The following NR2C2 variants were observed in gnomAD, a reference collection of about 807,000 sequenced individuals.
NR2C2 encodes nuclear receptor subfamily 2 group C member 2.
A neutral mutation model predicts 62.9 loss-of-function variants in NR2C2; 6 were observed. That is an observed-to-expected ratio of 0.10 (90% CI 0.05 to 0.19). NR2C2 has a LOEUF of 0.19. Among genes scored for constraint, NR2C2 ranks in the 10% least tolerant of loss-of-function variants. The pLI, the probability that NR2C2 is intolerant of heterozygous loss-of-function variation, is 1.00. For synonymous variants in NR2C2, 272 were observed against 273.8 expected, an observed-to-expected ratio of 0.99 and a Z score of 0.07; for missense variants, 479 against 762.7, an observed-to-expected ratio of 0.63 and a Z score of 4.38.
At chr3:15,039,454 G>C (rs553490646) in intron 13 of NR2C2, among the ~76,000 whole-genome samples, 1 of 152,274 alleles carries the variant, frequency 6.6e-6, no homozygotes, top group South Asian at 2.1e-4. Flanking sequence ...AGTGCCAGCA[G>C]GAGGGCCAGG....
intron 1 of NR2C2, among the ~76,000 whole-genome samples, chr3:14,951,782 C>G (rs534070190): frequency 2.0e-5 from 3 of 151,912 alleles, no homozygotes; most frequent in Admixed American, 6.6e-5. Flanking sequence ...GAGTCTCGCT[C>G]TGTCACCCAG....
intron 4 of NR2C2, among the ~76,000 whole-genome samples, chr3:15,018,711 A>G (rs2041583484): frequency 6.6e-6 from 1 of 152,022 alleles, no homozygotes; most frequent in Non-Finnish European, 1.5e-5. Context: ...TGATTTTTGT[A>G]TTTTTATGAG....
chr3:14,985,943 C>CT (rs1167159050), intron 1 of NR2C2, among the ~76,000 whole-genome samples: 4 of 151,744 alleles, frequency 2.6e-5, no homozygotes, highest in East Asian at 3.9e-4. Context: ...AAGGGTTTTT[C>CT]TTTTTTTTCC....
rs200745977 is a variant in NR2C2, at chr3:15,030,440, C to T, written c.1098C>T (p.His366=). 38 of 1,600,738 alleles carry T rather than the reference C, an allele frequency of 2.4e-5. No individual in the cohort carries two copies. The highest frequency in any genetic ancestry group is 9.0e-5 in the South Asian group (8 of 88,676). ...EVEGPLLSDT[H]VTFKLTMPSP... ...AAGGCCCCCTCCTTTCAGACACACA[C>T]GTCACATTTAAGGTGAGTGAATTCA... Residue 366 remains histidine, a synonymous_variant, in exon 9 of 14, where the codon CAC becomes CAT. Transcript: ENST00000425241.
intron 8 of NR2C2, among the ~76,000 whole-genome samples, chr3:15,028,935 A>C (rs1312201405): frequency 6.6e-6 from 1 of 152,176 alleles, no homozygotes; most frequent in African/African-American, 2.4e-5. Flanking sequence ...ACTTCTTTTC[A>C]TTCCCAACCA....
intron 1 of NR2C2, among the ~76,000 whole-genome samples, chr3:14,980,074 A>G (rs2040321089): frequency 1.3e-5 from 2 of 152,034 alleles, no homozygotes; most frequent in African/African-American, 4.8e-5. Flanking sequence ...GCCATATTAT[A>G]TACTACGTGA....
chr3:14,972,170 C>CTTTTTTTTTTTTTTTTT (rs2040062436), intron 1 of NR2C2, among the ~76,000 whole-genome samples: 1 of 130,156 alleles, frequency 7.7e-6, no homozygotes, highest in African/African-American at 2.8e-5. Context: ...TTTTCTTTTT[C>CTTTTTTTTTTTTTTTTT]TTTCTTTTTT....
chr3:15,011,516 T>G (rs969694778), intron 2 of NR2C2, among the ~76,000 whole-genome samples: 4 of 152,196 alleles, frequency 2.6e-5, no homozygotes, highest in Admixed American at 6.5e-5. Context: ...GAAAGTTTTT[T>G]TTAAAGATAA....
At chr3:15,012,533 C>A (rs1035625136) in intron 2 of NR2C2, among the ~76,000 whole-genome samples, 9 of 132,516 alleles carry the variant, frequency 6.8e-5, no homozygotes, top group African/African-American at 2.7e-4. Flanking sequence ...GCTGGAGTTC[C>A]ATTTCAAAAG....
intron 1 of NR2C2, among the ~76,000 whole-genome samples, chr3:14,961,640 C>G (rs901682863): frequency 2.6e-5 from 4 of 152,182 alleles, no homozygotes; most frequent in South Asian, 2.1e-4. Context: ...GAAGTCTGCT[C>G]CTTCAGCAAT....
intron 1 of NR2C2, among the ~76,000 whole-genome samples, chr3:15,002,424 CCA>C (rs984754911): frequency 1.3e-5 from 2 of 151,912 alleles, no homozygotes; most frequent in African/African-American, 2.4e-5. Context: ...GGGATGAACC[CCA>C]GTTATTCGTG....
intron 2 of NR2C2, among the ~76,000 whole-genome samples, chr3:15,005,185 T>C (rs1158121773): frequency 1.3e-5 from 2 of 151,932 alleles, no homozygotes; most frequent in East Asian, 3.9e-4. Flanking sequence ...CTCTATGTTT[T>C]GACATTTTTT....
At chr3:15,032,967 C>G (rs530156916) in intron 10 of NR2C2, among the ~76,000 whole-genome samples, 24 of 151,140 alleles carry the variant, frequency 1.6e-4, no homozygotes, top group African/African-American at 5.4e-4. Flanking sequence ...ACAGGAAACC[C>G]CCCCCCCTTT....
chr3:14,958,912 G>A (rs1286165844), intron 1 of NR2C2, among the ~76,000 whole-genome samples: 1 of 152,238 alleles, frequency 6.6e-6, no homozygotes, highest in Non-Finnish European at 1.5e-5. Flanking sequence ...GGAGTCGGAG[G>A]TTGCAGTGAG....
At chr3:14,965,818 T>C (rs2039836827) in intron 1 of NR2C2, among the ~76,000 whole-genome samples, 1 of 152,044 alleles carries the variant, frequency 6.6e-6, no homozygotes, top group South Asian at 2.1e-4. Flanking sequence ...CGTGGGGCAC[T>C]ATGCCTGGCT....
At chr3:14,984,169 T>C (rs146467371) in intron 1 of NR2C2, among the ~76,000 whole-genome samples, 9,452 of 152,274 alleles carry the variant, frequency 0.062, 372 homozygotes, top group East Asian at 0.13. Flanking sequence ...ATTACAGGCG[T>C]GAGCCACCAT....
intron 6 of NR2C2, among the ~76,000 whole-genome samples, 181 bp from the exon 7 acceptor site, chr3:15,023,934 A>G (rs2125031990): frequency 6.6e-6 from 1 of 152,294 alleles, no homozygotes; most frequent in African/African-American, 2.4e-5. Flanking sequence ...GACTTTATGT[A>G]TATCTCATTG....
At chr3:14,987,354 A>G (rs1217748921) in intron 1 of NR2C2, among the ~76,000 whole-genome samples, 1 of 152,178 alleles carries the variant, frequency 6.6e-6, no homozygotes, top group African/African-American at 2.4e-5. Context: ...GAGTGCTGGG[A>G]TTAGAGGTAT....
chr3:15,027,605 AT>A (rs757428109), intron 7 of NR2C2, among the ~76,000 whole-genome samples: 5 of 151,860 alleles, frequency 3.3e-5, no homozygotes, highest in Non-Finnish European at 7.4e-5. Context: ...TTGTTGTTTC[AT>A]TTTGTTATTG....
Sources: allele counts gnomAD v4.1 joint callset (sites outside exome capture counted in the v4.1 genomes callset), GRCh38; gene constraint gnomAD v4.1.1; transcripts MANE v1.5; gene names NCBI Gene and HGNC (gene_info 2026-07-23, HGNC 2026-07-21).